The following UFM1 variants were observed in gnomAD, a reference collection of about 807,000 sequenced individuals.
UFM1 encodes ubiquitin fold modifier 1.
A neutral mutation model predicts 15.4 loss-of-function variants in UFM1; 9 were observed. The observed-to-expected ratio is 0.59, with a 90% CI of 0.35 to 1.02. The LOEUF (loss-of-function observed/expected upper bound fraction) is 1.02. Ranked by LOEUF, UFM1 falls within the 50% of genes least tolerant of loss-of-function variation. UFM1 has a pLI of 0.02. For synonymous variants in UFM1, 27 were observed against 36.3 expected (o/e 0.74, Z 0.92); for missense variants, 98 against 104.7 (o/e 0.94, Z 0.28).
intron 3 of UFM1, 35 bp downstream of exon 3, chr13:38,354,331 G>A: frequency 6.3e-7 from 1 of 1,585,776 alleles, no homozygotes; most frequent in Non-Finnish European, 8.6e-7. Context: ...TTTATGGAAT[G>A]CGGTTTGCCA....
intron 2 of UFM1, 198 bp downstream of exon 2, chr13:38,350,253 G>C: frequency 2.5e-6 from 4 of 1,579,502 alleles, no homozygotes; most frequent in Non-Finnish European, 2.6e-6. Context: ...CTAAGTGTCA[G>C]CTTGGCAGCT....
At chr13:38,354,386 C>G (rs1009986041) in intron 3 of UFM1, 90 bp downstream of exon 3, 30 of 1,115,600 alleles carry the variant, frequency 2.7e-5, no homozygotes, top group Non-Finnish European at 3.8e-5. Flanking sequence ...TTTGACCCAT[C>G]ATTTCCATGT....
Position 38,352,102 on chromosome 13 carries a change from C to CT in UFM1, c.59+2064dup, listed in dbSNP as rs35879418. Reference sequence around the variant, plus strand: ...GAAGTTTGTTTTTTTTTCTTTCTTTCTTTTTTTTTTTTTTTTTGTGAAACA... The same window carrying CT: ...GAAGTTTGTTTTTTTTTCTTTCTTTCTTTTTTTTTTTTTTTTTTGTGAAACA... On this transcript the variant is annotated intron_variant, in intron 2 of 5. Coordinates refer to ENST00000239878, the MANE Select transcript of UFM1 (RefSeq NM_016617.4). Among the ~76,000 whole-genome samples the CT allele has an allele frequency of 5.6e-3, 592 of 105,300 alleles. 3 individuals are homozygous for CT. Among genetic ancestry groups the CT allele is most frequent in the African/African-American group, 0.016 (517 of 31,566 alleles). 69.1% of individuals were successfully genotyped at this position (105,300 alleles called of 152,430 possible).
intron 2 of UFM1, among the ~76,000 whole-genome samples, chr13:38,353,239 T>C (rs1878942849): frequency 6.6e-6 from 1 of 152,132 alleles, no homozygotes; most frequent in African/African-American, 2.4e-5. Context: ...AGCCTGGGCA[T>C]ATACATGAGA....
intron 4 of UFM1, 121 bp downstream of exon 4, chr13:38,358,253 AT>A: frequency 8.1e-6 from 4 of 492,860 alleles, no homozygotes; most frequent in Non-Finnish European, 1.4e-5. Flanking sequence ...CATAAATGAT[AT>A]ACTTACTGGT....
chr13:38,360,941 A>T lies in UFM1; in HGVS notation c.*163A>T. 1.8e-6 allele frequency: 1 copy of T among 540,926 alleles called. No homozygotes were observed. The highest frequency in any genetic ancestry group is 3.3e-6 in the Non-Finnish European group (1 of 305,636). The allele number at this position is 540,926 out of a possible 1,614,324, so 33.5% of individuals were successfully genotyped here. A position where few individuals can be genotyped will look rare whatever the true frequency, so the allele number is the denominator to read the frequency against. ...CCTTTTTGTTGTCCATACTCTTCCT[A>T]TGAAGAGGGAATGCGTATGAATTAA... On this transcript the variant is annotated 3_prime_UTR_variant, in exon 6 of 6. Transcript: ENST00000239878.
Position 38,350,055 on chromosome 13 carries a change from T to C in UFM1, c.59T>C (p.Val20Ala), listed in dbSNP as rs1453348728. The C allele has an allele frequency of 6.2e-7, 1 of 1,614,034 alleles. No individual in the cohort carries two copies. Among genetic ancestry groups the C allele is most frequent in the East Asian group, 2.2e-5 (1 of 44,882 alleles). ...LTSDPRLPYK[V>A]LSVPESTPFT... ...TCGGACCCACGGCTGCCGTACAAAGTGTGAGTAGCTCGGCCGAGATGGGCC... is the reference window on the plus strand; with the variant it reads ...TCGGACCCACGGCTGCCGTACAAAGCGTGAGTAGCTCGGCCGAGATGGGCC... The change falls in exon 2 of 6, where the codon GTA becomes GCA. Residue 20 changes from valine (V) to alanine (A), a missense_variant and splice_region_variant. Physicochemically the swap from Val to Ala is moderately conservative, Grantham distance 64 (BLOSUM62 0). Coordinates refer to ENST00000239878, the MANE Select transcript of UFM1 (RefSeq NM_016617.4).
intron 3 of UFM1, among the ~76,000 whole-genome samples, 178 bp from the exon 4 acceptor site, chr13:38,357,915 A>G (rs1879183814): frequency 6.6e-6 from 1 of 151,880 alleles, no homozygotes; most frequent in African/African-American, 2.4e-5. Flanking sequence ...GAAAATCTGC[A>G]TATGTCATTC....
intron 2 of UFM1, among the ~76,000 whole-genome samples, chr13:38,353,160 A>G (rs1398440843): frequency 1.3e-5 from 2 of 152,174 alleles, no homozygotes; most frequent in East Asian, 3.9e-4. Flanking sequence ...TCTATTACTG[A>G]AAACTGGTAC....
intron 5 of UFM1, 54 bp downstream of exon 5, chr13:38,359,387 C>A: frequency 6.4e-7 from 1 of 1,569,214 alleles, no homozygotes; most frequent in Non-Finnish European, 8.8e-7. Flanking sequence ...TGTCAATTGA[C>A]ACTGAATAGT....
intron 3 of UFM1, among the ~76,000 whole-genome samples, chr13:38,355,518 T>G (rs577368662): frequency 6.6e-6 from 1 of 152,090 alleles, no homozygotes; most frequent in Admixed American, 6.5e-5. Context: ...ATTTTTTAGT[T>G]ACTCATTGTG....
At chr13:38,355,371 A>G (rs1465775139) in intron 3 of UFM1, among the ~76,000 whole-genome samples, 2 of 152,032 alleles carry the variant, frequency 1.3e-5, no homozygotes, top group Non-Finnish European at 2.9e-5. Context: ...ATGGGACACA[A>G]ATCTGAGTAT....
In UFM1 at chr13:38,354,238, G is replaced by A; in HGVS notation, c.60-1G>A. 1.9e-6 allele frequency: 3 copies of A among 1,609,030 alleles called. No individual in the cohort carries two copies. Among genetic ancestry groups the A allele is most frequent in the Non-Finnish European group, 2.5e-6 (3 of 1,176,748 alleles). On this transcript the variant is annotated splice_acceptor_variant, in intron 2 of 5. Transcript: ENST00000239878. LOFTEE classifies it high-confidence loss of function. Reference sequence around the variant, plus strand: ...AAACTGTTTTAAAATTCTTCTTGCAGACTCAGTGTTCCTGAAAGTACACCT... The same window carrying A: ...AAACTGTTTTAAAATTCTTCTTGCAAACTCAGTGTTCCTGAAAGTACACCT...
chr13:38,354,137 C>A, intron 2 of UFM1, 102 bp from the exon 3 acceptor site: 1 of 971,294 alleles, frequency 1.0e-6, no homozygotes, highest in Non-Finnish European at 1.5e-6. Flanking sequence ...ACTGAAAAGA[C>A]AGCTTTGTCC....
At chr13:38,358,262 G>T in intron 4 of UFM1, 130 bp downstream of exon 4, 1 of 449,722 alleles carries the variant, frequency 2.2e-6, no homozygotes. Flanking sequence ...TATACTTACT[G>T]GTAAACACTA....
intron 2 of UFM1, among the ~76,000 whole-genome samples, chr13:38,350,736 C>T (rs996045809): frequency 5.9e-5 from 9 of 152,160 alleles, no homozygotes; most frequent in African/African-American, 2.2e-4. Flanking sequence ...TTGGAAGTAG[C>T]ATGAAATGTA....
intron 3 of UFM1, chr13:38,354,594 A>G (rs901255568): frequency 1.6e-5 from 4 of 255,820 alleles, no homozygotes; most frequent in African/African-American, 8.9e-5. Flanking sequence ...TTTAAAATGC[A>G]ACATTATATC....
At chr13:38,350,310 C>G (rs971679990) in intron 2 of UFM1, 2 of 1,407,686 alleles carry the variant, frequency 1.4e-6, no homozygotes, top group Admixed American at 2.0e-5. Context: ...AGTGACCTCC[C>G]CTCGGAATTC....
intron 5 of UFM1, 75 bp from the exon 6 acceptor site, chr13:38,360,636 T>C: frequency 9.0e-7 from 1 of 1,114,804 alleles, no homozygotes; most frequent in Non-Finnish European, 1.3e-6. Flanking sequence ...TCATTTATTA[T>C]ATTTAATAAT....
Sources: allele counts gnomAD v4.1 joint callset (sites outside exome capture counted in the v4.1 genomes callset), GRCh38; gene constraint gnomAD v4.1.1; transcripts MANE v1.5; gene names NCBI Gene and HGNC (gene_info 2026-07-23, HGNC 2026-07-21).